The following TMEM132E variants were observed in gnomAD, a reference collection of about 807,000 sequenced individuals.
TMEM132E encodes the protein transmembrane protein 132E.
TMEM132E carries 49 observed loss-of-function variants against 78.5 expected under a neutral mutation model. That is an observed-to-expected ratio of 0.62 (90% confidence interval 0.50 to 0.79). TMEM132E has a LOEUF of 0.79. Among genes scored for constraint, TMEM132E ranks in the 30% least tolerant of loss-of-function variants. The probability of loss-of-function intolerance (pLI) is 0.00; values close to 1 mark genes in which losing one functional copy is unlikely to be tolerated. For missense variants in TMEM132E, 1,403 were observed against 1,470.9 expected (o/e 0.95, Z 0.75); for synonymous variants, 715 against 670.6 (o/e 1.07, Z -1.02).
intron 1 of TMEM132E, among the ~76,000 whole-genome samples, chr17:34,608,955 T>A (rs576667092): frequency 6.6e-6 from 1 of 152,218 alleles, no homozygotes; most frequent in Non-Finnish European, 1.5e-5. Flanking sequence ...TAATCAGTCA[T>A]GGCTCTCTTC....
At chr17:34,615,517 A>ATGTATGTGTGTGTG (rs1906749962) in intron 1 of TMEM132E, among the ~76,000 whole-genome samples, 1 of 140,770 alleles carries the variant, frequency 7.1e-6, no homozygotes. Flanking sequence ...ACTGGCACAG[A>ATGTATGTGTGTGTG]TGTGTGTGTG....
At chr17:34,589,307 C>T (rs1038029789) in intron 1 of TMEM132E, among the ~76,000 whole-genome samples, 5 of 152,072 alleles carry the variant, frequency 3.3e-5, no homozygotes, top group East Asian at 1.9e-4. Context: ...AGCACCTGGA[C>T]GGACCAGGAG....
At position 34,637,297 on chromosome 17, in the gene TMEM132E, A is replaced by T; in HGVS notation, c.2290A>T (p.Thr764Ser). The T allele has an allele frequency of 1.2e-6, 2 of 1,614,102 alleles. No homozygotes were observed. The highest frequency in any genetic ancestry group is 1.1e-5 in the South Asian group (1 of 91,080). ...SSLDEHVATVTQDRAFPLVVA... is the reference protein window; with the variant it reads ...SSLDEHVATVSQDRAFPLVVA... ...CCTGGATGAGCATGTGGCCACTGTG[A>T]CCCAGGACCGGGCCTTCCCTCTGGT... The change falls in exon 9 of 9, where the codon ACC becomes TCC. Residue 764 changes from threonine (T) to serine (S), a missense_variant. Coordinates refer to ENST00000631683, the MANE Select transcript of TMEM132E (RefSeq NM_001304438.2).
intron 1 of TMEM132E, among the ~76,000 whole-genome samples, chr17:34,607,436 T>G (rs1906452542): frequency 1.3e-5 from 2 of 152,154 alleles, no homozygotes; most frequent in Middle Eastern, 3.2e-3. Context: ...AAAATCCTGC[T>G]CCTCTTTTCA....
intron 1 of TMEM132E, among the ~76,000 whole-genome samples, chr17:34,615,770 C>T (rs901022775): frequency 4.0e-5 from 6 of 151,814 alleles, no homozygotes; most frequent in African/African-American, 9.7e-5. Context: ...AGAGGGGAGT[C>T]GGTCGCTGGG....
chr17:34,629,935 C>G (rs1263772487), intron 4 of TMEM132E, 73 bp from the exon 5 acceptor site: 25 of 1,483,698 alleles, frequency 1.7e-5, no homozygotes, highest in Non-Finnish European at 2.0e-5. Flanking sequence ...CGTCCAGGAG[C>G]TGGGGCCTTG....
chr17:34,601,904 G>A (rs896218954), intron 1 of TMEM132E, among the ~76,000 whole-genome samples: 1 of 152,160 alleles, frequency 6.6e-6, no homozygotes, highest in Non-Finnish European at 1.5e-5. Flanking sequence ...TCACTCCACA[G>A]ATGAGCAATT....
intron 1 of TMEM132E, among the ~76,000 whole-genome samples, chr17:34,604,184 G>A (rs1255219935): frequency 6.6e-6 from 1 of 152,170 alleles, no homozygotes; most frequent in African/African-American, 2.4e-5. Context: ...ACACAGCACT[G>A]ATAACAGTGG....
At chr17:34,617,573 C>G (rs928135729) in intron 1 of TMEM132E, among the ~76,000 whole-genome samples, 1 of 152,180 alleles carries the variant, frequency 6.6e-6, no homozygotes, top group African/African-American at 2.4e-5. Context: ...TTACACCAAG[C>G]GAGCAATTTG....
intron 8 of TMEM132E, 32 bp downstream of exon 8, chr17:34,636,230 G>T (rs771805848): frequency 1.1e-5 from 16 of 1,423,542 alleles, no homozygotes; most frequent in Middle Eastern, 1.9e-4. Flanking sequence ...CAGCCAGGGA[G>T]TTGGTGGTAT....
intron 1 of TMEM132E, among the ~76,000 whole-genome samples, chr17:34,605,912 G>T (rs546675459): frequency 6.6e-6 from 1 of 152,090 alleles, no homozygotes; most frequent in African/African-American, 2.4e-5. Context: ...CTCTACATGC[G>T]TCCCATTCAT....
At chr17:34,620,084 G>A (rs1906910632) in intron 1 of TMEM132E, among the ~76,000 whole-genome samples, 1 of 152,204 alleles carries the variant, frequency 6.6e-6, no homozygotes, top group African/African-American at 2.4e-5. Context: ...TAGAAGCAGA[G>A]ACATGGCCAG....
intron 1 of TMEM132E, among the ~76,000 whole-genome samples, chr17:34,596,927 G>T (rs376241525): frequency 2.0e-5 from 3 of 148,224 alleles, no homozygotes; most frequent in African/African-American, 7.5e-5. Flanking sequence ...CCGGAATCTC[G>T]ATGGCTCTCC....
rs754018615 is a variant in TMEM132E, at chr17:34,637,979, C to A, written c.2972C>A (p.Ser991Ter). The change falls in exon 9 of 9, where the codon TCG (serine) becomes TAG (stop). Residue 991 changes from serine (S) to a stop codon, truncating the protein, a stop_gained. Coordinates refer to ENST00000631683, the MANE Select transcript of TMEM132E (RefSeq NM_001304438.2). LOFTEE classifies it high-confidence loss of function. ...SQVHGRGDGS[S>*]GGSARDQAED... ...GTGCACGGCAGGGGCGACGGCTCCT[C>A]GGGCGGCTCAGCCCGAGACCAAGCC... 3 of 1,592,432 alleles carry A rather than the reference C, an allele frequency of 1.9e-6. No individual in the cohort carries two copies. The highest frequency in any genetic ancestry group is 1.7e-6 in the Non-Finnish European group (2 of 1,170,736).
chr17:34,605,167 G>T (rs149998682), intron 1 of TMEM132E, among the ~76,000 whole-genome samples: 1 of 152,160 alleles, frequency 6.6e-6, no homozygotes, highest in Non-Finnish European at 1.5e-5. Flanking sequence ...CAGCCATGAC[G>T]TCCTAAGTGA....
rs566433963 is a variant in TMEM132E, at chr17:34,629,123, C to T, written c.1257C>T (p.Gly419=). 11 of 1,613,626 alleles carry T rather than the reference C, an allele frequency of 6.8e-6. No homozygotes were observed. The highest frequency in any genetic ancestry group is 3.3e-5 in the Admixed American group (2 of 59,950). The part of the protein sequence containing the change: ...IMWHIDYRGH[G]ALPDLERAVT... ...GGCACATTGACTACCGTGGCCACGG[C>T]GCCCTGCCTGACCTGGAGCGGGCAG... The change falls in exon 4 of 9, where the codon GGC becomes GGT. Residue 419 remains glycine (G), a synonymous_variant. Coordinates refer to ENST00000631683, the MANE Select transcript of TMEM132E (RefSeq NM_001304438.2).
chr17:34,612,893 A>G (rs1597684339), intron 1 of TMEM132E, among the ~76,000 whole-genome samples: 1 of 152,092 alleles, frequency 6.6e-6, no homozygotes, highest in Admixed American at 6.5e-5. Context: ...GGAAAGATGC[A>G]GTTTTCCCAG....
intron 1 of TMEM132E, among the ~76,000 whole-genome samples, chr17:34,621,125 T>C (rs1906947331): frequency 1.3e-5 from 2 of 152,216 alleles, no homozygotes; most frequent in Admixed American, 1.3e-4. Context: ...CTCTACATTT[T>C]ACTGGGGAAA....
At chr17:34,597,321 G>T (rs1906094785) in intron 1 of TMEM132E, among the ~76,000 whole-genome samples, 1 of 151,866 alleles carries the variant, frequency 6.6e-6, no homozygotes, top group South Asian at 2.1e-4. Flanking sequence ...GCACTCAGAA[G>T]CCCCTCTGAG....
Sources: allele counts gnomAD v4.1 joint callset (sites outside exome capture counted in the v4.1 genomes callset), GRCh38; gene constraint gnomAD v4.1.1; transcripts MANE v1.5; gene names NCBI Gene and HGNC (gene_info 2026-07-23, HGNC 2026-07-21).